ARFGEF3: variants seen among roughly 807,000 people sequenced by gnomAD.
ARFGEF3 encodes ARFGEF family member 3.
ARFGEF3 carries 96 observed loss-of-function variants against 221.7 expected under a neutral mutation model. That is an observed-to-expected ratio of 0.43 (90% CI 0.37 to 0.51). The LOEUF is 0.51. Ranked by LOEUF, ARFGEF3 falls within the 20% of genes least tolerant of loss-of-function variation. The pLI is 0.00. For missense variants in ARFGEF3, 2,410 were observed against 2,789.9 expected (o/e 0.86, Z 3.07); for synonymous variants, 1,145 against 1,126.8 (o/e 1.02, Z -0.32).
At chr6:138,187,082 ATGT>A (rs1222248198) in intron 2 of ARFGEF3, among the ~76,000 whole-genome samples, 1 of 151,656 alleles carries the variant, frequency 6.6e-6, no homozygotes. Context: ...CACCCAGCTA[ATGT>A]TGTATTTTTC....
intron 9 of ARFGEF3, 139 bp downstream of exon 9, chr6:138,254,123 C>A: frequency 1.7e-6 from 1 of 586,718 alleles, no homozygotes; most frequent in Non-Finnish European, 2.9e-6. Flanking sequence ...AGAGGGAAAG[C>A]AGGGAAATTG....
At chr6:138,247,165 A>G (rs1159925103) in intron 8 of ARFGEF3, among the ~76,000 whole-genome samples, 2 of 152,134 alleles carry the variant, frequency 1.3e-5, no homozygotes, top group Non-Finnish European at 2.9e-5. Context: ...AGGAGGGCTG[A>G]GTCCTACAGC....
intron 4 of ARFGEF3, among the ~76,000 whole-genome samples, chr6:138,214,823 A>C (rs1330043517): frequency 6.6e-6 from 1 of 152,240 alleles, no homozygotes; most frequent in Non-Finnish European, 1.5e-5. Context: ...TCTGACAAAT[A>C]GGAATGAGGT....
intron 32 of ARFGEF3, among the ~76,000 whole-genome samples, chr6:138,333,744 G>C (rs1012932072): frequency 6.6e-6 from 1 of 152,134 alleles, no homozygotes; most frequent in Non-Finnish European, 1.5e-5. Flanking sequence ...GCTCGGCCCA[G>C]CTTCAGGAAT....
intron 10 of ARFGEF3, among the ~76,000 whole-genome samples, chr6:138,258,540 A>C (rs928266853): frequency 6.6e-5 from 10 of 152,138 alleles, no homozygotes; most frequent in African/African-American, 2.4e-4. Flanking sequence ...GCTTCCTCAG[A>C]CCACTGATCG....
chr6:138,308,213 C>T (rs565971909), intron 23 of ARFGEF3, among the ~76,000 whole-genome samples: 1 of 152,158 alleles, frequency 6.6e-6, no homozygotes, highest in Non-Finnish European at 1.5e-5. Context: ...TTTGTATGAA[C>T]AGTCTAGGCA....
intron 2 of ARFGEF3, among the ~76,000 whole-genome samples, chr6:138,203,158 ATGTG>A (rs68102875): frequency 4.0e-5 from 6 of 150,548 alleles, no homozygotes; most frequent in Non-Finnish European, 5.9e-5. Flanking sequence ...GATTGTGTGT[ATGTG>A]TGTGTGTGTG....
chr6:138,294,237 A>T, intron 20 of ARFGEF3, 111 bp downstream of exon 20: 1 of 1,163,360 alleles, frequency 8.6e-7, no homozygotes, highest in Non-Finnish European at 1.2e-6. Flanking sequence ...CATTGCTTAC[A>T]CTCACACAAG....
chr6:138,186,208 A>G (rs775024085), intron 2 of ARFGEF3, among the ~76,000 whole-genome samples: 17 of 152,208 alleles, frequency 1.1e-4, no homozygotes, highest in Non-Finnish European at 1.9e-4. Context: ...CTACCTGAAT[A>G]TTGGCTCTTC....
intron 27 of ARFGEF3, among the ~76,000 whole-genome samples, chr6:138,319,262 A>G (rs943228206): frequency 2.5e-5 from 3 of 117,796 alleles, no homozygotes; most frequent in Non-Finnish European, 5.1e-5. Flanking sequence ...AGCTCTAACA[A>G]ACACTATTGT....
chr6:138,217,133 T>C (rs1336852886), intron 4 of ARFGEF3: 2 of 152,198 alleles, frequency 1.3e-5, no homozygotes, highest in African/African-American at 4.8e-5. Flanking sequence ...GAGATGGAGA[T>C]TTTCATATTA....
chr6:138,169,909 C>T (rs1283718251), intron 1 of ARFGEF3, among the ~76,000 whole-genome samples: 6 of 152,076 alleles, frequency 3.9e-5, no homozygotes, highest in Admixed American at 3.3e-4. Context: ...TCTCCTTCCC[C>T]AATGAAAATA....
chr6:138,301,032 AAAACAAACAAT>A (rs1338184698), intron 22 of ARFGEF3, among the ~76,000 whole-genome samples: 1 of 152,240 alleles, frequency 6.6e-6, no homozygotes, highest in Non-Finnish European at 1.5e-5. Flanking sequence ...AAAAGTTTAA[AAAACAAACAAT>A]AAACACACAC....
intron 2 of ARFGEF3, among the ~76,000 whole-genome samples, chr6:138,179,031 A>C (rs2114445141): frequency 6.6e-6 from 1 of 152,256 alleles, no homozygotes; most frequent in Admixed American, 6.5e-5. Flanking sequence ...TAAAGATACA[A>C]AGTTTTCAGT....
At chr6:138,168,719 C>G in intron 1 of ARFGEF3, among the ~76,000 whole-genome samples, 1 of 152,198 alleles carries the variant, frequency 6.6e-6, no homozygotes, top group Non-Finnish European at 1.5e-5. Context: ...TCCCTCCACT[C>G]GGAGTGACCT....
intron 6 of ARFGEF3, among the ~76,000 whole-genome samples, chr6:138,239,278 C>G (rs1481543150): frequency 6.6e-6 from 1 of 152,186 alleles, no homozygotes; most frequent in African/African-American, 2.4e-5. Context: ...CTGCCTCTGT[C>G]ATAATTTAGA....
intron 4 of ARFGEF3, among the ~76,000 whole-genome samples, chr6:138,221,991 C>T (rs1777990999): frequency 1.3e-5 from 2 of 152,154 alleles, no homozygotes; most frequent in Non-Finnish European, 2.9e-5. Context: ...AATGCATTTT[C>T]TTAGGGTCAA....
intron 5 of ARFGEF3, among the ~76,000 whole-genome samples, chr6:138,230,785 T>C (rs1244251725): frequency 2.6e-5 from 4 of 152,222 alleles, no homozygotes; most frequent in Non-Finnish European, 5.9e-5. Flanking sequence ...AAATATGGAT[T>C]GATACAGATG....
At chr6:138,324,233 A>G (rs1583067927) in intron 31 of ARFGEF3, 79 bp downstream of exon 31, 4 of 1,519,730 alleles carry the variant, frequency 2.6e-6, no homozygotes, top group Admixed American at 2.0e-5. Flanking sequence ...AAGGTCTCGC[A>G]TCACCAAATT....
Sources: gnomAD v4.1 joint callset for allele counts (sites outside exome capture counted in the v4.1 genomes callset) on GRCh38, gnomAD v4.1.1 for gene constraint, MANE v1.5 for transcripts, NCBI Gene and HGNC (gene_info 2026-07-23, HGNC 2026-07-21) for gene names.